CCND2: variants seen among roughly 807,000 people sequenced by gnomAD.
CCND2 encodes cyclin D2, also known as G1/S-specific cyclin-D2.
CCND2 carries 6 observed loss-of-function variants against 30.2 expected under a neutral mutation model. That is an observed-to-expected ratio of 0.20 (90% CI 0.11 to 0.39). CCND2 has a LOEUF of 0.39. Ranked by LOEUF, CCND2 falls within the 10% of genes least tolerant of loss-of-function variation. The pLI is 1.00. For synonymous variants in CCND2, 150 were observed against 153.1 expected (o/e 0.98, Z 0.15); for missense variants, 235 against 373.4 (o/e 0.63, Z 3.06).
intron 4 of CCND2, among the ~76,000 whole-genome samples, chr12:4,297,442 G>T (rs541183165): frequency 6.6e-6 from 1 of 151,776 alleles, no homozygotes; most frequent in South Asian, 2.1e-4. Flanking sequence ...GTGGTGGCAC[G>T]TGCCTATAAT....
At chr12:4,292,808 G>T (rs1321779654) in intron 4 of CCND2, among the ~76,000 whole-genome samples, 1 of 152,158 alleles carries the variant, frequency 6.6e-6, no homozygotes, top group Non-Finnish European at 1.5e-5. Context: ...GGTTTGAGAG[G>T]GGAGGGTGCC....
chr12:4,285,269 C>G lies in CCND2; in HGVS notation c.572-3573C>G. Reference sequence around the variant, plus strand: ...GATCGGTTCATTGCCTCTCTCTCTGCTGCAGGAGGAAGGATCTCAGGAAGT... The same window carrying G: ...GATCGGTTCATTGCCTCTCTCTCTGGTGCAGGAGGAAGGATCTCAGGAAGT... On this transcript the variant is annotated intron_variant, in intron 3 of 4. Transcript: ENST00000261254. This position sits in a 1 kb window ranked among gnomAD's most constrained non-coding sequence, Gnocchi z 4.1. 1 of 985,030 alleles carries G rather than the reference C, an allele frequency of 1.0e-6. No individual in the cohort carries two copies. The highest frequency in any genetic ancestry group is 4.7e-5 in the South Asian group (1 of 21,272). The allele number at this position is 985,030 out of a possible 1,614,324, so 61.0% of individuals were successfully genotyped here.
At chr12:4,289,740 C>T (rs1051706210) in intron 4 of CCND2, among the ~76,000 whole-genome samples, 3 of 152,100 alleles carry the variant, frequency 2.0e-5, no homozygotes, top group South Asian at 2.1e-4. Context: ...CTAGCCCGTC[C>T]GAGACAGGAT....
Position 4,300,267 on chromosome 12 carries a change from A to G in CCND2, c.*258A>G. On this transcript the variant is annotated 3_prime_UTR_variant, in exon 5 of 5. Transcript: ENST00000261254. ...GCGAACAGTTATTGTTTGATTATGT[A>G]AAAGTAATAGTAAAATGCTTACAGG... 1 of 386,586 alleles carries G rather than the reference A, an allele frequency of 2.6e-6. No individual in the cohort carries two copies. Among genetic ancestry groups the G allele is most frequent in the South Asian group, 6.5e-5 (1 of 15,314 alleles). The allele number at this position is 386,586 out of a possible 1,614,324, so 23.9% of individuals were successfully genotyped here.
intron 3 of CCND2, among the ~76,000 whole-genome samples, chr12:4,283,039 C>A (rs999122785): frequency 6.6e-6 from 1 of 152,232 alleles, no homozygotes; most frequent in Non-Finnish European, 1.5e-5. Flanking sequence ...CCCTGCACCC[C>A]AAGACCTCGG....
chr12:4,291,240 C>T (rs1025127715), intron 4 of CCND2, among the ~76,000 whole-genome samples: 7 of 13,518 alleles, frequency 5.2e-4, no homozygotes, highest in Admixed American at 1.2e-3. Flanking sequence ...TGTGTTTATG[C>T]ACCTTTCCAA....
At chr12:4,275,928 T>G in intron 1 of CCND2, 77 bp from the exon 2 acceptor site, 1 of 966,004 alleles carries the variant, frequency 1.0e-6, no homozygotes, top group Non-Finnish European at 1.6e-6. Context: ...TAGATTACGC[T>G]TTTTTATTCT....
chr12:4,281,802 G>C (rs1425183505), intron 3 of CCND2, among the ~76,000 whole-genome samples: 1 of 152,186 alleles, frequency 6.6e-6, no homozygotes, highest in Admixed American at 6.5e-5. Flanking sequence ...CGAAGTGGCG[G>C]TCTTGCTTTA....
At chr12:4,288,413 A>G (rs1035327755) in intron 3 of CCND2, among the ~76,000 whole-genome samples, 7 of 151,840 alleles carry the variant, frequency 4.6e-5, no homozygotes, top group African/African-American at 1.7e-4. Context: ...TGCATGGCCC[A>G]TGGGGTACCT....
rs1864234663 is a variant in CCND2, at chr12:4,300,520, C to T, written c.*511C>T. On this transcript the variant is annotated 3_prime_UTR_variant, in exon 5 of 5. Coordinates refer to ENST00000261254, the MANE Select transcript of CCND2 (RefSeq NM_001759.4). The stretch of plus-strand genomic sequence containing the variant: ...GAAGGAGTACAAAACAATCTCTCAA[C>T]ATGATTGAACCATTTGGGATGGAGA... 1 of 234,910 alleles carries T rather than the reference C, an allele frequency of 4.3e-6. No individual in the cohort carries two copies. Among genetic ancestry groups the T allele is most frequent in the Admixed American group, 5.5e-5 (1 of 18,040 alleles). The allele number at this position is 234,910 out of a possible 1,614,324, so 14.6% of individuals were successfully genotyped here. A position where few individuals can be genotyped will look rare whatever the true frequency, so the allele number is the denominator to read the frequency against.
At chr12:4,296,764 G>A (rs1258184876) in intron 4 of CCND2, among the ~76,000 whole-genome samples, 1 of 151,980 alleles carries the variant, frequency 6.6e-6, no homozygotes, top group Non-Finnish European at 1.5e-5. Context: ...CCTGTACAGT[G>A]GAGGAACATT....
chr12:4,275,351 C>T (rs1863854007), intron 1 of CCND2: 1 of 152,214 alleles, frequency 6.6e-6, no homozygotes, highest in African/African-American at 2.4e-5. Context: ...TTGGGGTTTT[C>T]ACGCCAAAAG....
intron 4 of CCND2, among the ~76,000 whole-genome samples, chr12:4,295,667 C>T (rs1177649729): frequency 3.3e-5 from 5 of 152,174 alleles, no homozygotes; most frequent in Admixed American, 3.3e-4. Flanking sequence ...ATCCCAGCTA[C>T]TTGGGATGCT....
Position 4,274,208 on chromosome 12 carries a change from C to T in CCND2, c.168C>T (p.Arg56=). ...AGAAGGACATCCAACCCTACATGCG[C>T]AGAATGGTGGCCACCTGGATGCTGG... ...CVQKDIQPYM[R]RMVATWMLEV... is the part of the protein sequence containing the mutation. The change falls in exon 1 of 5, where the codon CGC becomes CGT. Residue 56 remains arginine (R), a synonymous_variant. Coordinates refer to ENST00000261254, the MANE Select transcript of CCND2 (RefSeq NM_001759.4). The surrounding 1 kb of genome is among the most constrained non-coding windows in gnomAD (Gnocchi z 7.7). 1 of 1,614,086 alleles carries T rather than the reference C, an allele frequency of 6.2e-7. No individual in the cohort carries two copies. Among genetic ancestry groups the T allele is most frequent in the South Asian group, 1.1e-5 (1 of 91,084 alleles).
intron 2 of CCND2, among the ~76,000 whole-genome samples, chr12:4,277,078 GCT>G (rs919400092): frequency 2.0e-5 from 3 of 152,338 alleles, no homozygotes; most frequent in African/African-American, 7.2e-5. Flanking sequence ...CTTGAACTGA[GCT>G]CTTTGTGAGG....
chr12:4,276,368 C>G lies in CCND2; in HGVS notation c.411+148C>G. On this transcript the variant is annotated intron_variant, in intron 2 of 4. Coordinates refer to ENST00000261254, the MANE Select transcript of CCND2 (RefSeq NM_001759.4). This position sits in a 1 kb window ranked among gnomAD's most constrained non-coding sequence, Gnocchi z 4.8. ...ATTTACCCACTTATGGGCGATAGCT[C>G]ATTTAATAGGAAACCACTGTTTATT... The G allele has an allele frequency of 1.5e-6, 1 of 653,516 alleles. No individual in the cohort carries two copies. The highest frequency in any genetic ancestry group is 2.6e-6 in the Non-Finnish European group (1 of 383,742). The allele number at this position is 653,516 out of a possible 1,614,324, so 40.5% of individuals were successfully genotyped here.
chr12:4,288,798 A>G (rs1864057885), intron 3 of CCND2, 44 bp from the exon 4 acceptor site: 1 of 1,571,386 alleles, frequency 6.4e-7, no homozygotes, highest in South Asian at 1.2e-5. Context: ...TCCAGGATCC[A>G]AATTCGTTCT....
At position 4,280,624 on chromosome 12, in the gene CCND2, AG is replaced by A. The variant is rs1565432945; in HGVS notation, c.571+1706del. ...CCCGGGCCCGAGAGGTCAGTCCTCC[AG>A]TGACCTGTCATTTTGTCTCCCAGGC... On this transcript the variant is annotated intron_variant, in intron 3 of 4. Transcript: ENST00000261254. Among the ~76,000 whole-genome samples, 699 of 152,256 alleles carry A rather than the reference AG, an allele frequency of 4.6e-3. 12 individuals are homozygous for A. The highest frequency in any genetic ancestry group is 0.016 in the African/African-American group (676 of 41,526).
At chr12:4,283,055 A>G (rs544386101) in intron 3 of CCND2, among the ~76,000 whole-genome samples, 6 of 152,352 alleles carry the variant, frequency 3.9e-5, no homozygotes, top group African/African-American at 1.4e-4. Flanking sequence ...CTCGGCCACC[A>G]TAGCCAAAAT....
Sources: allele counts gnomAD v4.1 joint callset (sites outside exome capture counted in the v4.1 genomes callset), GRCh38; gene constraint gnomAD v4.1.1; non-coding constraint Gnocchi (gnomAD v3.1); transcripts MANE v1.5; gene names NCBI Gene and HGNC (gene_info 2026-07-23, HGNC 2026-07-21).